The following MAP3K20 variants were observed in gnomAD, a reference collection of about 807,000 sequenced individuals.
MAP3K20 encodes the protein HCCS-4.
MAP3K20 carries 40 observed loss-of-function variants against 85.7 expected under a neutral mutation model. That is an observed-to-expected ratio of 0.47 (90% CI 0.36 to 0.61). MAP3K20 has a LOEUF of 0.61. MAP3K20 is among the 20% of genes least tolerant of loss of function. The probability of loss-of-function intolerance (pLI) is 0.00; values close to 1 mark genes in which losing one functional copy is unlikely to be tolerated. For missense variants in MAP3K20, 817 were observed against 961.7 expected (o/e 0.85, Z 1.99); for synonymous variants, 325 against 327.7 (o/e 0.99, Z 0.09).
chr2:173,227,835 CTGT>C (rs1012251329), intron 11 of MAP3K20, among the ~76,000 whole-genome samples: 13 of 152,194 alleles, frequency 8.5e-5, no homozygotes, highest in African/African-American at 2.9e-4. Context: ...GTAACTCAGA[CTGT>C]TGTTTCTTGA....
At chr2:173,173,617 C>G (rs1690071290) in intron 3 of MAP3K20, among the ~76,000 whole-genome samples, 1 of 152,132 alleles carries the variant, frequency 6.6e-6, no homozygotes, top group Non-Finnish European at 1.5e-5. Context: ...ACAGATACAT[C>G]TAATTTGCAT....
intron 16 of MAP3K20, 42 bp from the exon 17 acceptor site, chr2:173,258,657 G>T (rs1289365326): frequency 4.9e-6 from 6 of 1,230,378 alleles, no homozygotes; most frequent in African/African-American, 1.5e-5. Context: ...AAAAAAAATT[G>T]TTTCACTTTC....
chr2:173,197,220 C>T (rs954510216), intron 7 of MAP3K20, among the ~76,000 whole-genome samples: 1 of 152,070 alleles, frequency 6.6e-6, no homozygotes, highest in Non-Finnish European at 1.5e-5. Flanking sequence ...TACAAATCTC[C>T]ATTACTCAGT....
chr2:173,179,704 G>GCGCACACACA (rs374335619), intron 3 of MAP3K20, among the ~76,000 whole-genome samples: 249 of 146,164 alleles, frequency 1.7e-3, no homozygotes, highest in Admixed American at 6.5e-3. Context: ...TAAGGAATGC[G>GCGCACACACA]CACACACACA....
At chr2:173,111,667 T>G (rs186445522) in intron 2 of MAP3K20, among the ~76,000 whole-genome samples, 1,752 of 152,314 alleles carry the variant, frequency 0.012, 21 homozygotes, top group Middle Eastern at 0.024. Flanking sequence ...CCAGCACCAT[T>G]TGTTGAAAAG....
intron 2 of MAP3K20, among the ~76,000 whole-genome samples, chr2:173,131,717 G>A (rs1049827074): frequency 1.3e-5 from 2 of 152,188 alleles, no homozygotes; most frequent in African/African-American, 4.8e-5. Context: ...TGGAATGGTA[G>A]GAGGCAAGTT....
At chr2:173,253,994 C>T (rs2106349775) in intron 16 of MAP3K20, among the ~76,000 whole-genome samples, 1 of 151,184 alleles carries the variant, frequency 6.6e-6, no homozygotes, top group Non-Finnish European at 1.5e-5. Context: ...TCGCTTGAGC[C>T]CTGGAAATTG....
intron 2 of MAP3K20, among the ~76,000 whole-genome samples, chr2:173,143,101 A>G (rs1689025271): frequency 6.6e-6 from 1 of 152,216 alleles, no homozygotes; most frequent in Non-Finnish European, 1.5e-5. Flanking sequence ...TGTATTTTAA[A>G]TATAAGACAC....
intron 2 of MAP3K20, among the ~76,000 whole-genome samples, chr2:173,119,672 A>G (rs1368529396): frequency 6.6e-6 from 1 of 151,148 alleles, no homozygotes; most frequent in Admixed American, 6.6e-5. Context: ...TTGGCTACTC[A>G]GCTTCTACAT....
chr2:173,162,617 C>T (rs1382635057), intron 2 of MAP3K20, among the ~76,000 whole-genome samples: 3 of 147,376 alleles, frequency 2.0e-5, no homozygotes, highest in African/African-American at 5.0e-5. Context: ...ACCCAGGAGG[C>T]GGAGGTTGCA....
chr2:173,091,371 C>CCTA (rs1215327077), intron 2 of MAP3K20, among the ~76,000 whole-genome samples, 181 bp downstream of exon 2: 1 of 151,980 alleles, frequency 6.6e-6, no homozygotes, highest in East Asian at 1.9e-4. Context: ...GCAGCGTGTG[C>CCTA]TTTAGGGTTG....
intron 3 of MAP3K20, among the ~76,000 whole-genome samples, chr2:173,178,461 T>C (rs968189748): frequency 1.3e-5 from 2 of 152,074 alleles, no homozygotes; most frequent in African/African-American, 4.8e-5. Context: ...CTGGCCATCA[T>C]AGCGAAACCC....
chr2:173,100,329 G>A (rs1687602414), intron 2 of MAP3K20, among the ~76,000 whole-genome samples: 1 of 152,156 alleles, frequency 6.6e-6, no homozygotes, highest in Non-Finnish European at 1.5e-5. Context: ...ATCTGCATTT[G>A]ATGGAAACTA....
intron 3 of MAP3K20, among the ~76,000 whole-genome samples, chr2:173,180,855 C>T (rs559962446): frequency 2.0e-5 from 3 of 152,072 alleles, no homozygotes; most frequent in Admixed American, 1.3e-4. Flanking sequence ...AGAAATGATA[C>T]CAAAAGCACA....
intron 1 of MAP3K20, among the ~76,000 whole-genome samples, chr2:173,077,233 CG>C: frequency 6.6e-6 from 1 of 152,178 alleles, no homozygotes; most frequent in South Asian, 2.1e-4. Flanking sequence ...CCTCGACCTT[CG>C]TTGAAATGAA....
chr2:173,102,994 A>G (rs1016961557), intron 2 of MAP3K20, among the ~76,000 whole-genome samples: 2 of 145,418 alleles, frequency 1.4e-5, no homozygotes, highest in Admixed American at 6.8e-5. Context: ...TAGAGGTTGC[A>G]GTGAGCCGAG....
intron 16 of MAP3K20, among the ~76,000 whole-genome samples, chr2:173,243,397 G>GAA (rs375149049): frequency 1.5e-3 from 223 of 152,296 alleles, no homozygotes; most frequent in African/African-American, 5.1e-3. Context: ...TCAAAAGCAT[G>GAA]AAGCCAGGAA....
chr2:173,217,362 T>C, intron 11 of MAP3K20, 112 bp downstream of exon 11: 4 of 1,294,876 alleles, frequency 3.1e-6, no homozygotes, highest in Non-Finnish European at 4.0e-6. Flanking sequence ...CCTCATTTCC[T>C]GCCTCGCGCC....
chr2:173,234,366 A>G (rs914358303), intron 14 of MAP3K20, among the ~76,000 whole-genome samples: 6 of 152,216 alleles, frequency 3.9e-5, no homozygotes, highest in Non-Finnish European at 7.3e-5. Flanking sequence ...AATTCAGTGA[A>G]TGTCTACTAA....
Sources: gnomAD v4.1 joint callset for allele counts (sites outside exome capture counted in the v4.1 genomes callset) on GRCh38, gnomAD v4.1.1 for gene constraint, MANE v1.5 for transcripts, NCBI Gene and HGNC (gene_info 2026-07-23, HGNC 2026-07-21) for gene names.